The following SHISA5 variants were observed in gnomAD, a reference collection of about 807,000 sequenced individuals.
SHISA5 encodes protein shisa-5.
A neutral mutation model predicts 27.5 loss-of-function variants in SHISA5; 21 were observed. The observed-to-expected ratio is 0.76, with a 90% CI of 0.54 to 1.10. The LOEUF (loss-of-function observed/expected upper bound fraction) is 1.10. Among genes scored for constraint, SHISA5 ranks in the 50% least tolerant of loss-of-function variants. SHISA5 has a pLI of 0.00. For missense variants in SHISA5, 314 were observed against 336.3 expected, an observed-to-expected ratio of 0.93 and a Z score of 0.52; for synonymous variants, 137 against 142.2, an observed-to-expected ratio of 0.96 and a Z score of 0.26.
intron 2 of SHISA5, among the ~76,000 whole-genome samples, chr3:48,493,390 G>T (rs983139025): frequency 6.8e-6 from 1 of 146,618 alleles, no homozygotes; most frequent in African/African-American, 2.7e-5. Flanking sequence ...AGACTGTGCC[G>T]CTGCAGTGAG....
At chr3:48,480,577 G>A (rs1427060060) in intron 2 of SHISA5, among the ~76,000 whole-genome samples, 2 of 152,044 alleles carry the variant, frequency 1.3e-5, no homozygotes. Flanking sequence ...TGTCCAGGAT[G>A]GTGAAACCCC....
chr3:48,503,999 C>T lies in SHISA5; in HGVS notation c.76+20G>A. The T allele has an allele frequency of 6.9e-7, 1 of 1,458,772 alleles. No individual in the cohort carries two copies. Among genetic ancestry groups the T allele is most frequent in the Non-Finnish European group, 9.1e-7 (1 of 1,101,944 alleles). 90.4% of individuals were successfully genotyped at this position (1,458,772 alleles called of 1,614,324 possible). ...TGCCCGGTCCCAGGGCAGGACGGGCCGCCCCCACCCCCGGCTCACCACCCG... is the reference window on the plus strand; with the variant it reads ...TGCCCGGTCCCAGGGCAGGACGGGCTGCCCCCACCCCCGGCTCACCACCCG... On this transcript the variant is annotated intron_variant, in intron 1 of 5. Coordinates refer to ENST00000296444, the MANE Select transcript of SHISA5 (RefSeq NM_016479.6).
At position 48,469,180 on chromosome 3, in the gene SHISA5, GCTC is replaced by G; in HGVS notation, c.647_649del (p.Gly216del). The G allele has an allele frequency of 3.7e-6, 6 of 1,612,012 alleles. No individual in the cohort carries two copies. The highest frequency in any genetic ancestry group is 5.1e-6 in the Non-Finnish European group (6 of 1,179,870). ...CTGGCTGGCGGGGTAGGGCGCGGCTGCTCCTCCTGAAAGCAGAGAGGACCCTGG... is the reference window on the plus strand; with the variant it reads ...CTGGCTGGCGGGGTAGGGCGCGGCTGCTCCTGAAAGCAGAGAGGACCCTGG... On this transcript the variant is annotated inframe_deletion, in exon 6 of 6. Transcript: ENST00000296444. The surrounding 1 kb of genome is among the most constrained non-coding windows in gnomAD (Gnocchi z 4.6).
rs1361200007 is a variant in SHISA5, at chr3:48,494,426, T to A, written c.233+6711A>T. 1.4e-5 allele frequency among the ~76,000 whole-genome samples: 2 copies of A among 145,154 alleles called. 1 individual carries two copies. Among genetic ancestry groups the A allele is most frequent in the Non-Finnish European group, 3.0e-5 (2 of 67,606 alleles). On this transcript the variant is annotated intron_variant, in intron 2 of 5. Transcript: ENST00000296444. ...GATTCTCCTGCCTCAGCCTCCAGAGTAGCTGGGATTACAGGCGTGCACCAC... is the reference window on the plus strand; with the variant it reads ...GATTCTCCTGCCTCAGCCTCCAGAGAAGCTGGGATTACAGGCGTGCACCAC...
intron 2 of SHISA5, among the ~76,000 whole-genome samples, chr3:48,496,657 C>T (rs1196060837): frequency 6.6e-6 from 1 of 151,538 alleles, no homozygotes; most frequent in African/African-American, 2.4e-5. Flanking sequence ...TCGCTTGAAC[C>T]CGGGAGGCAG....
At chr3:48,490,035 G>A (rs1387758232) in intron 2 of SHISA5, among the ~76,000 whole-genome samples, 5 of 152,218 alleles carry the variant, frequency 3.3e-5, no homozygotes, top group African/African-American at 7.2e-5. Flanking sequence ...TGCACAGGCC[G>A]GAACCAGGTT....
In SHISA5 at chr3:48,480,860, C is replaced by A. The variant is rs1416730442; in HGVS notation, c.234-1603G>T. ...CTGTAATCCCAGTGCTTTGAGAGATCGAGGCAGGCAGATCAACTGAGGTCA... is the reference window on the plus strand; with the variant it reads ...CTGTAATCCCAGTGCTTTGAGAGATAGAGGCAGGCAGATCAACTGAGGTCA... On this transcript the variant is annotated intron_variant, in intron 2 of 5. Transcript: ENST00000296444. 2.6e-5 allele frequency among the ~76,000 whole-genome samples: 4 copies of A among 152,000 alleles called. No individual in the cohort carries two copies. In the East Asian group the frequency reaches 5.8e-4, roughly 22 times the overall value.
At chr3:48,471,702 C>G (rs2040629135) in intron 3 of SHISA5, among the ~76,000 whole-genome samples, 1 of 151,638 alleles carries the variant, frequency 6.6e-6, no homozygotes, top group South Asian at 2.1e-4. Flanking sequence ...CACCTGAGGT[C>G]TGGAATTCGA....
intron 2 of SHISA5, among the ~76,000 whole-genome samples, chr3:48,487,383 G>A (rs1416520087): frequency 6.6e-6 from 1 of 151,862 alleles, no homozygotes; most frequent in Non-Finnish European, 1.5e-5. Flanking sequence ...CAGTTTATAC[G>A]TTTTAATGTT....
intron 2 of SHISA5, among the ~76,000 whole-genome samples, chr3:48,492,474 GA>G (rs1196581860): frequency 6.8e-6 from 1 of 147,402 alleles, no homozygotes; most frequent in Non-Finnish European, 1.5e-5. Context: ...CGTCTCATAA[GA>G]AAAAAAAGAG....
At position 48,473,206 on chromosome 3, in the gene SHISA5, C is replaced by G; in HGVS notation, c.315-3363G>C. Reference sequence around the variant, plus strand: ...CTCTTAAAGACACAGGATGGCCCCGCCCAGCAGCCGGCTAGCAGCCAAGGA... The same window carrying G: ...CTCTTAAAGACACAGGATGGCCCCGGCCAGCAGCCGGCTAGCAGCCAAGGA... On this transcript the variant is annotated intron_variant, in intron 3 of 5. Coordinates refer to ENST00000296444, the MANE Select transcript of SHISA5 (RefSeq NM_016479.6). This position sits in a 1 kb window ranked among gnomAD's most constrained non-coding sequence, Gnocchi z 4.3. The G allele has an allele frequency of 7.0e-7, 1 of 1,428,912 alleles. No individual in the cohort carries two copies. Among genetic ancestry groups the G allele is most frequent in the Non-Finnish European group, 9.1e-7 (1 of 1,095,030 alleles). 88.5% of individuals were successfully genotyped at this position (1,428,912 alleles called of 1,614,324 possible).
At chr3:48,478,869 G>GC (rs1488263340) in intron 3 of SHISA5, among the ~76,000 whole-genome samples, 1 of 151,436 alleles carries the variant, frequency 6.6e-6, no homozygotes, top group African/African-American at 2.4e-5. Flanking sequence ...TGTCACTCCT[G>GC]CCCCCATCGG....
chr3:48,469,648 C>G lies in SHISA5; in HGVS notation c.431-75G>C. On this transcript the variant is annotated intron_variant, in intron 4 of 5. Transcript: ENST00000296444. This position sits in a 1 kb window ranked among gnomAD's most constrained non-coding sequence, Gnocchi z 4.6. ...AGAGCCAGGCTTGCCACCCATCCCTCCAGCTTAGCCAAAGCAGGGCCTGGT... is the reference window on the plus strand; with the variant it reads ...AGAGCCAGGCTTGCCACCCATCCCTGCAGCTTAGCCAAAGCAGGGCCTGGT... 1.9e-6 allele frequency: 3 copies of G among 1,596,946 alleles called. No homozygotes were observed. The highest frequency in any genetic ancestry group is 2.6e-6 in the Non-Finnish European group (3 of 1,171,048).
chr3:48,502,103 T>C (rs11706087), intron 1 of SHISA5, among the ~76,000 whole-genome samples: 2,599 of 152,256 alleles, frequency 0.017, 43 homozygotes, highest in Middle Eastern at 0.088. Flanking sequence ...CCTCAGGTGA[T>C]CCACCCATCT....
intron 2 of SHISA5, among the ~76,000 whole-genome samples, chr3:48,481,170 G>A (rs2107324505): frequency 6.6e-6 from 1 of 152,252 alleles, no homozygotes; most frequent in Non-Finnish European, 1.5e-5. Flanking sequence ...GCTGGGCGTG[G>A]TGGCTCACGC....
At chr3:48,489,140 A>G (rs1468874228) in intron 2 of SHISA5, among the ~76,000 whole-genome samples, 5 of 151,408 alleles carry the variant, frequency 3.3e-5, no homozygotes, top group Non-Finnish European at 5.9e-5. Flanking sequence ...TCAGGCCAGG[A>G]TGGCTTTGAA....
rs1219613496 is a variant in SHISA5, at chr3:48,468,851, A to G, written c.*256T>C. 6.6e-6 allele frequency: 10 copies of G among 1,511,830 alleles called. No homozygotes were observed. The highest frequency in any genetic ancestry group is 8.8e-6 in the Non-Finnish European group (10 of 1,131,530). The allele number at this position is 1,511,830 out of a possible 1,614,324, so 93.7% of individuals were successfully genotyped here. A position where few individuals can be genotyped will look rare whatever the true frequency, so the allele number is the denominator to read the frequency against. On this transcript the variant is annotated 3_prime_UTR_variant, in exon 6 of 6. Transcript: ENST00000296444. ...CACCCCATTCTTTGAGTTTGGCTTGAGATTTTAGGAAGCATAATTTCAGGT... is the reference window on the plus strand; with the variant it reads ...CACCCCATTCTTTGAGTTTGGCTTGGGATTTTAGGAAGCATAATTTCAGGT...
At chr3:48,484,476 ATT>A in intron 2 of SHISA5, among the ~76,000 whole-genome samples, 1 of 151,888 alleles carries the variant, frequency 6.6e-6, no homozygotes, top group African/African-American at 2.4e-5. Context: ...CCTGCCTGTA[ATT>A]CCAGCTACTC....
intron 2 of SHISA5, among the ~76,000 whole-genome samples, chr3:48,487,597 C>A (rs9835902): frequency 0.084 from 12,787 of 151,796 alleles, 966 homozygotes; most frequent in African/African-American, 0.2. Flanking sequence ...CTCACACACA[C>A]AAAAAAAGAA....
Sources: gnomAD v4.1 joint callset for allele counts (sites outside exome capture counted in the v4.1 genomes callset) on GRCh38, gnomAD v4.1.1 for gene constraint, Gnocchi (gnomAD v3.1) non-coding constraint, MANE v1.5 for transcripts, NCBI Gene and HGNC (gene_info 2026-07-23, HGNC 2026-07-21) for gene names.